HPSE2: variants seen among roughly 807,000 people sequenced by gnomAD.
HPSE2 encodes inactive heparanase-2.
HPSE2 carries 38 observed loss-of-function variants against 60.5 expected under a neutral mutation model. That is an observed-to-expected ratio of 0.63 (90% CI 0.48 to 0.82). HPSE2 has a LOEUF of 0.82. Among genes scored for constraint, HPSE2 ranks in the 40% least tolerant of loss-of-function variants. The pLI is 0.00. For synonymous variants in HPSE2, 295 were observed against 293.2 expected, an observed-to-expected ratio of 1.01 and a Z score of -0.06; for missense variants, 713 against 740.4, an observed-to-expected ratio of 0.96 and a Z score of 0.43.
chr10:99,007,139 T>C (rs1392844630), intron 3 of HPSE2, among the ~76,000 whole-genome samples: 1 of 152,114 alleles, frequency 6.6e-6, no homozygotes, highest in Non-Finnish European at 1.5e-5. Flanking sequence ...ATCAACCTGG[T>C]GTAGGGTAGC....
chr10:99,290,203 T>A, the HPSE2 span, among the ~76,000 whole-genome samples: 1 of 152,166 alleles, frequency 6.6e-6, no homozygotes, highest in East Asian at 1.9e-4. Flanking sequence ...CGTCTTAAAG[T>A]TTTCTTTGCC....
At chr10:98,943,943 G>A (rs762634283) in intron 3 of HPSE2, among the ~76,000 whole-genome samples, 16 of 152,158 alleles carry the variant, frequency 1.1e-4, no homozygotes, top group Admixed American at 3.9e-4. Flanking sequence ...GATGATGAAT[G>A]TTTGTAGTTT....
intron 3 of HPSE2, among the ~76,000 whole-genome samples, chr10:98,941,761 C>G (rs1460072807): frequency 1.5e-5 from 2 of 135,980 alleles, no homozygotes; most frequent in Non-Finnish European, 3.1e-5. Flanking sequence ...AAAAAGAGCC[C>G]GCATCGCCAA....
intron 3 of HPSE2, among the ~76,000 whole-genome samples, chr10:99,105,736 T>C (rs926743516): frequency 6.6e-6 from 1 of 152,130 alleles, no homozygotes; most frequent in Non-Finnish European, 1.5e-5. Context: ...TCTTTTATTG[T>C]AGAAGATTTA....
chr10:98,566,865 G>T (rs1340045199), intron 9 of HPSE2, among the ~76,000 whole-genome samples: 1 of 152,090 alleles, frequency 6.6e-6, no homozygotes, highest in African/African-American at 2.4e-5. Flanking sequence ...ATAATGAAAA[G>T]AAAAATGGGT....
At chr10:98,590,419 G>T (rs1011020819) in intron 9 of HPSE2, among the ~76,000 whole-genome samples, 1 of 152,198 alleles carries the variant, frequency 6.6e-6, no homozygotes, top group Non-Finnish European at 1.5e-5. Context: ...CTCCAGCCTG[G>T]GTGGGAATCT....
intron 3 of HPSE2, among the ~76,000 whole-genome samples, chr10:99,037,219 G>A (rs1349742162): frequency 6.6e-6 from 1 of 152,090 alleles, no homozygotes. Context: ...AGAGACTAAG[G>A]AAATATGACA....
At chr10:98,852,167 A>ATG (rs1299677647) in intron 3 of HPSE2, among the ~76,000 whole-genome samples, 4 of 81,576 alleles carry the variant, frequency 4.9e-5, no homozygotes, top group African/African-American at 2.0e-4. Flanking sequence ...GTGTGTGTGT[A>ATG]TATATGTTTG....
chr10:99,142,672 T>G (rs1845904463), intron 3 of HPSE2, among the ~76,000 whole-genome samples: 1 of 152,216 alleles, frequency 6.6e-6, no homozygotes, highest in Non-Finnish European at 1.5e-5. Context: ...ACAATGTTGA[T>G]TCCAACAGTT....
chr10:98,833,015 G>A (rs1424979569), intron 3 of HPSE2, among the ~76,000 whole-genome samples: 1 of 152,164 alleles, frequency 6.6e-6, no homozygotes, highest in Non-Finnish European at 1.5e-5. Flanking sequence ...TAAGTGGGAT[G>A]ACAGCTGGCA....
intron 3 of HPSE2, among the ~76,000 whole-genome samples, chr10:98,821,539 G>T (rs112817276): frequency 7.9e-5 from 12 of 152,152 alleles, no homozygotes; most frequent in Non-Finnish European, 1.5e-5. Context: ...AGTTGAAGAA[G>T]CTGCACTGCT....
chr10:98,643,232 A>T (rs1213235735), intron 6 of HPSE2, among the ~76,000 whole-genome samples: 1 of 152,328 alleles, frequency 6.6e-6, no homozygotes. Flanking sequence ...CGTAGTCTCT[A>T]TGGGCCTCAG....
intron 3 of HPSE2, among the ~76,000 whole-genome samples, chr10:98,811,990 A>G (rs1339961593): frequency 6.6e-6 from 1 of 152,144 alleles, no homozygotes; most frequent in Non-Finnish European, 1.5e-5. Flanking sequence ...ATATAGAAAT[A>G]CAATTCTTTT....
rs1329515860 is a variant in HPSE2, at chr10:98,856,143, A to C, written c.611-112087T>G. On this transcript the variant is annotated intron_variant, in intron 3 of 11. Coordinates refer to ENST00000370552, the MANE Select transcript of HPSE2 (RefSeq NM_021828.5). ...TCGGCAGACATAAATACCACTTAACACAGTCTCTACTGTCCTACACATAAT... is the reference window on the plus strand; with the variant it reads ...TCGGCAGACATAAATACCACTTAACCCAGTCTCTACTGTCCTACACATAAT... Among the ~76,000 whole-genome samples the C allele has an allele frequency of 3.3e-5, 5 of 152,138 alleles. No homozygotes were observed. The East Asian group carries it at 9.6e-4, about 29-fold the overall frequency.
the HPSE2 span, among the ~76,000 whole-genome samples, chr10:99,253,708 C>G: frequency 6.6e-6 from 1 of 151,938 alleles, no homozygotes; most frequent in Non-Finnish European, 1.5e-5. Flanking sequence ...AAACTACTCA[C>G]CCAACAAAGG....
At chr10:98,990,307 C>T (rs542604519) in intron 3 of HPSE2, among the ~76,000 whole-genome samples, 2 of 152,350 alleles carry the variant, frequency 1.3e-5, no homozygotes, top group African/African-American at 4.8e-5. Flanking sequence ...ACTGCCTCAG[C>T]TCCACCTCAG....
Position 99,108,129 on chromosome 10 carries a change from G to A in HPSE2, c.610+36109C>T, listed in dbSNP as rs1020724043. Among the ~76,000 whole-genome samples the A allele has an allele frequency of 4.6e-5, 7 of 152,108 alleles. No individual in the cohort carries two copies. The East Asian group carries it at 7.7e-4, about 17-fold the overall frequency. ...TCCTCTTTGAAAGATAGTTCAGAGC[G>A]CCTGGAAAGCAAAGATACTGTTATT... is the stretch of plus-strand genomic sequence containing the variant. On this transcript the variant is annotated intron_variant, in intron 3 of 11. Transcript: ENST00000370552.
At chr10:98,462,668 G>GT (rs1554908245) in intron 11 of HPSE2, among the ~76,000 whole-genome samples, 3 of 151,358 alleles carry the variant, frequency 2.0e-5, no homozygotes, top group Non-Finnish European at 4.4e-5. Flanking sequence ...TTTTGTTTTT[G>GT]TTTTTTTGAG....
chr10:98,600,782 A>T (rs1945376862), intron 9 of HPSE2, among the ~76,000 whole-genome samples: 1 of 129,412 alleles, frequency 7.7e-6, no homozygotes, highest in Non-Finnish European at 1.7e-5. Context: ...ATACATACAT[A>T]AACATGTATG....
Sources: gnomAD v4.1 joint callset for allele counts (sites outside exome capture counted in the v4.1 genomes callset) on GRCh38, gnomAD v4.1.1 for gene constraint, MANE v1.5 for transcripts, NCBI Gene and HGNC (gene_info 2026-07-23, HGNC 2026-07-21) for gene names.